QKI: variants seen among roughly 807,000 people sequenced by gnomAD.
The protein encoded by QKI is QKI, KH domain containing RNA binding.
Under a neutral mutation model 39.0 loss-of-function variants are expected in QKI, and 10 were observed. That is an observed-to-expected ratio of 0.26 (90% CI 0.16 to 0.43). The LOEUF (loss-of-function observed/expected upper bound fraction) is 0.43. QKI is among the 20% of genes least tolerant of loss of function. The probability of loss-of-function intolerance (pLI) is 1.00; values close to 1 mark genes in which losing one functional copy is unlikely to be tolerated. For synonymous variants in QKI, 204 were observed against 155.4 expected (o/e 1.31, Z -2.33); for missense variants, 218 against 428.0 (o/e 0.51, Z 4.33).
chr6:163,544,845 T>A (rs1294731187), intron 4 of QKI, among the ~76,000 whole-genome samples: 3 of 152,218 alleles, frequency 2.0e-5, no homozygotes, highest in East Asian at 3.9e-4. Context: ...GTTGTTCAAT[T>A]CAGGTGAGAA....
chr6:163,569,732 T>G, intron 7 of QKI: 1 of 998,436 alleles, frequency 1.0e-6, no homozygotes, highest in Non-Finnish European at 1.2e-6. Context: ...TATAAAAATA[T>G]AAAGCAGGAA....
At chr6:163,471,055 C>A (rs1792144803) in intron 2 of QKI, among the ~76,000 whole-genome samples, 2 of 151,924 alleles carry the variant, frequency 1.3e-5, no homozygotes, top group South Asian at 2.1e-4. Context: ...ATCATACTTA[C>A]TGATAAACAT....
intron 6 of QKI, chr6:163,564,009 C>G (rs1783196081): frequency 8.2e-7 from 1 of 1,224,470 alleles, no homozygotes; most frequent in South Asian, 2.9e-5. Context: ...TGAGGTCATT[C>G]TGAGTTTTAG....
chr6:163,433,546 C>G (rs553974690), intron 1 of QKI, among the ~76,000 whole-genome samples: 1 of 152,290 alleles, frequency 6.6e-6, no homozygotes, highest in East Asian at 1.9e-4. Context: ...GTGGGCAGAT[C>G]ACGAGGTCAG....
At chr6:163,570,562 C>A in intron 7 of QKI, 132 bp from the exon 8 acceptor site, 7 of 1,430,084 alleles carry the variant, frequency 4.9e-6, no homozygotes, top group East Asian at 2.7e-5. Flanking sequence ...CAGAATTAAA[C>A]ATGCTTTTTT....
chr6:163,453,523 T>C (rs1036017058), intron 1 of QKI, among the ~76,000 whole-genome samples: 2 of 152,204 alleles, frequency 1.3e-5, no homozygotes, highest in Non-Finnish European at 2.9e-5. Flanking sequence ...GCTGTAATTA[T>C]GTAAATGATG....
At chr6:163,424,748 C>T (rs1472882377) in intron 1 of QKI, among the ~76,000 whole-genome samples, 1 of 151,882 alleles carries the variant, frequency 6.6e-6, no homozygotes, top group African/African-American at 2.4e-5. Context: ...TCTCCTGCCT[C>T]AGCCTCCCGA....
At chr6:163,481,612 C>G (rs1793083645) in intron 3 of QKI, among the ~76,000 whole-genome samples, 1 of 152,172 alleles carries the variant, frequency 6.6e-6, no homozygotes, top group Non-Finnish European at 1.5e-5. Flanking sequence ...GAAGTTAGTA[C>G]TATATTATTC....
chr6:163,470,256 A>G (rs549118440), intron 2 of QKI, among the ~76,000 whole-genome samples: 7 of 152,222 alleles, frequency 4.6e-5, no homozygotes, highest in African/African-American at 1.7e-4. Flanking sequence ...CTCCCTTGCC[A>G]TGCCCAGCCT....
chr6:163,436,726 G>A (rs1789306805), intron 1 of QKI, among the ~76,000 whole-genome samples: 2 of 138,544 alleles, frequency 1.4e-5, no homozygotes, highest in African/African-American at 2.6e-5. Context: ...GGAGGCCGAG[G>A]TTGCAGTGAG....
At chr6:163,495,940 T>A (rs1376330596) in intron 3 of QKI, among the ~76,000 whole-genome samples, 3 of 152,228 alleles carry the variant, frequency 2.0e-5, no homozygotes, top group African/African-American at 7.2e-5. Context: ...AGGTAACTTT[T>A]TCTCCTTTTA....
chr6:163,424,466 A>C (rs886984709), intron 1 of QKI, among the ~76,000 whole-genome samples: 2 of 152,136 alleles, frequency 1.3e-5, no homozygotes, highest in Non-Finnish European at 2.9e-5. Context: ...CTCCGCAATT[A>C]ACTGGTTTGG....
At chr6:163,421,202 A>G (rs1787965343) in intron 1 of QKI, among the ~76,000 whole-genome samples, 1 of 152,262 alleles carries the variant, frequency 6.6e-6, no homozygotes. Flanking sequence ...CTTAAAAACA[A>G]CTTAAAAACA....
intron 3 of QKI, among the ~76,000 whole-genome samples, chr6:163,525,559 G>C (rs552919442): frequency 6.6e-6 from 1 of 151,944 alleles, no homozygotes; most frequent in African/African-American, 2.4e-5. Context: ...GGGTTTTGCC[G>C]TGTCGGCCAG....
rs182086044 is a variant in QKI at position 163,508,140 on chromosome 6, A to G, written c.403-26842A>G. Among the ~76,000 whole-genome samples the G allele has an allele frequency of 7.9e-5, 12 of 152,312 alleles. No homozygotes were observed. The East Asian group carries it at 2.3e-3, about 29-fold the overall frequency. On this transcript the variant is annotated intron_variant, in intron 3 of 7. Transcript: ENST00000361752. ...AGAGAAAAAAAATTGAGAGGTAGGA[A>G]TGGCCTGTGAAGTGGTCTGACATAT...
At chr6:163,518,824 CTA>C (rs1204879133) in intron 3 of QKI, among the ~76,000 whole-genome samples, 1 of 152,112 alleles carries the variant, frequency 6.6e-6, no homozygotes, top group Non-Finnish European at 1.5e-5. Flanking sequence ...GAAAATCAAA[CTA>C]ACTCAATTTA....
At chr6:163,429,805 A>C (rs1050987114) in intron 1 of QKI, among the ~76,000 whole-genome samples, 9 of 152,186 alleles carry the variant, frequency 5.9e-5, no homozygotes, top group Non-Finnish European at 1.3e-4. Context: ...ATTCTATTCT[A>C]GGCTGTTTGG....
At chr6:163,459,755 C>A (rs1791207577) in intron 2 of QKI, among the ~76,000 whole-genome samples, 2 of 152,092 alleles carry the variant, frequency 1.3e-5, no homozygotes, top group African/African-American at 4.8e-5. Context: ...GAAAAATAAT[C>A]CTGTTCTTGA....
At chr6:163,477,240 G>A (rs1277437284) in intron 2 of QKI, among the ~76,000 whole-genome samples, 5 of 151,862 alleles carry the variant, frequency 3.3e-5, no homozygotes, top group Non-Finnish European at 7.4e-5. Context: ...CGTCTTGAAC[G>A]CCTGTCCTCA....
Sources: gnomAD v4.1 joint callset for allele counts (sites outside exome capture counted in the v4.1 genomes callset) on GRCh38, gnomAD v4.1.1 for gene constraint, MANE v1.5 for transcripts, NCBI Gene and HGNC (gene_info 2026-07-23, HGNC 2026-07-21) for gene names.